The following CHD1L variants were observed in gnomAD, a reference collection of about 807,000 sequenced individuals.
CHD1L encodes chromodomain helicase DNA binding protein 1 like, also known as ATP-dependent chromatin remodeler CHD1L.
Under a neutral mutation model 115.9 loss-of-function variants are expected in CHD1L, and 118 were observed. The observed-to-expected ratio is 1.02, with a 90% CI of 0.88 to 1.19. The LOEUF (loss-of-function observed/expected upper bound fraction) is 1.19, where lower values mean the gene tolerates loss of function less well. Among genes scored for constraint, CHD1L ranks in the 50% most tolerant of loss-of-function variants. The pLI is 0.00. For synonymous variants in CHD1L, 411 were observed against 387.1 expected (o/e 1.06, Z -0.72); for missense variants, 1,179 against 1,065.3 (o/e 1.11, Z -1.49).
rs114192925 is a variant in CHD1L, at chr1:147,261,278, C to T, written c.576+1360C>T. On this transcript the variant is annotated intron_variant, in intron 6 of 22. Coordinates refer to ENST00000369258, the MANE Select transcript of CHD1L (RefSeq NM_004284.6). ...AATTTATTTATCACCGTTCTAGAGG[C>T]TGGGAAGTCCAAGATCAAGGTGCCA... Among the ~76,000 whole-genome samples the T allele has an allele frequency of 7.3e-3, 1,112 of 152,244 alleles. 13 individuals carry two copies. The highest frequency in any genetic ancestry group is 0.025 in the African/African-American group (1,046 of 41,532).
At chr1:147,262,885 T>C (rs1553945182) in intron 6 of CHD1L, among the ~76,000 whole-genome samples, 1 of 152,176 alleles carries the variant, frequency 6.6e-6, no homozygotes, top group East Asian at 1.9e-4. Flanking sequence ...ATCCTACTCC[T>C]ACATTAACAC....
intron 8 of CHD1L, 136 bp downstream of exon 8, chr1:147,266,223 G>A (rs902422320): frequency 1.0e-5 from 8 of 796,360 alleles, no homozygotes; most frequent in East Asian, 3.0e-5. Flanking sequence ...AATTCTGGTC[G>A]GCTACAGTGG....
chr1:147,284,512 AATTT>A lies in CHD1L; in HGVS notation c.1854+19_1854+22del. The A allele has an allele frequency of 6.4e-7, 1 of 1,556,206 alleles. No homozygotes were observed. The highest frequency in any genetic ancestry group is 1.4e-5 in the African/African-American group (1 of 71,118). On this transcript the variant is annotated intron_variant, in intron 16 of 22. Transcript: ENST00000369258. ...AAATAAAGGCAGTGTAAGAACTGTT[AATTT>A]ATTTAAAAGTTGTTCTTCCAAACTC...
chr1:147,235,610 A>G, the CHD1L span, among the ~76,000 whole-genome samples: 1 of 152,196 alleles, frequency 6.6e-6, no homozygotes, highest in African/African-American at 2.4e-5. Context: ...AACAGAACCC[A>G]GAATAGGTAT....
At chr1:147,202,749 C>T in the CHD1L span, among the ~76,000 whole-genome samples, 3 of 152,162 alleles carry the variant, frequency 2.0e-5, no homozygotes, top group Non-Finnish European at 4.4e-5. Context: ...GACACTAGGT[C>T]GATTGTGTTC....
chr1:147,275,060 A>T (rs1677806515), intron 12 of CHD1L, among the ~76,000 whole-genome samples: 1 of 152,194 alleles, frequency 6.6e-6, no homozygotes, highest in Non-Finnish European at 1.5e-5. Flanking sequence ...AGCAGAAGAG[A>T]TAAAGTGGCT....
intron 9 of CHD1L, 101 bp downstream of exon 9, chr1:147,267,619 T>C (rs1010581118): frequency 1.2e-6 from 1 of 813,342 alleles, no homozygotes; most frequent in African/African-American, 1.7e-5. Flanking sequence ...TTACTTTGTC[T>C]ACTTTGTTTA....
In CHD1L at chr1:147,243,823, A is replaced by G. The variant is rs1263063761; in HGVS notation, c.127+993A>G. The stretch of plus-strand genomic sequence containing the variant: ...TAGAGTTTTAGACTAGTGAGAGTGC[A>G]TTTAAAAGTATAAACTAATTTATTT... On this transcript the variant is annotated intron_variant, in intron 1 of 22. Transcript: ENST00000369258. 3.3e-5 allele frequency among the ~76,000 whole-genome samples: 5 copies of G among 152,352 alleles called. No individual in the cohort carries two copies. The East Asian group carries it at 9.6e-4, about 29-fold the overall frequency.
chr1:147,242,876 G>A (rs1665182667), intron 1 of CHD1L, 46 bp downstream of exon 1: 1 of 1,254,576 alleles, frequency 8.0e-7, no homozygotes, highest in African/African-American at 1.5e-5. Flanking sequence ...CCAACCTATT[G>A]GGACTGCCTC....
upstream of CHD1L, among the ~76,000 whole-genome samples, chr1:147,241,258 C>T (rs933068083): frequency 3.9e-5 from 6 of 152,144 alleles, no homozygotes; most frequent in Non-Finnish European, 8.8e-5. Context: ...ATGGCTGGTT[C>T]CTGCCTTAAC....
At chr1:147,178,232 C>G in the CHD1L span, 1 of 1,613,640 alleles carries the variant, frequency 6.2e-7, no homozygotes, top group Non-Finnish European at 8.5e-7. Flanking sequence ...AGTCGCATCT[C>G]CGACACGGGC....
the CHD1L span, among the ~76,000 whole-genome samples, chr1:147,222,653 T>C: frequency 0.44 from 66,767 of 151,714 alleles, 15,248 homozygotes; most frequent in East Asian, 0.68. Flanking sequence ...TGTGGTCTGT[T>C]GGAACAGAAG....
chr1:147,201,239 G>A, the CHD1L span: 1 of 1,614,204 alleles, frequency 6.2e-7, no homozygotes, highest in Admixed American at 1.7e-5. Context: ...ATGATTGCAA[G>A]AGTTGGCCTT....
chr1:147,214,566 C>G, the CHD1L span, among the ~76,000 whole-genome samples: 1 of 152,024 alleles, frequency 6.6e-6, no homozygotes, highest in Non-Finnish European at 1.5e-5. Flanking sequence ...GGTGCCTCTG[C>G]CGAGATCACC....
the CHD1L span, among the ~76,000 whole-genome samples, chr1:147,217,217 C>A: frequency 6.8e-6 from 1 of 146,434 alleles, no homozygotes; most frequent in Non-Finnish European, 1.5e-5. Flanking sequence ...CCAGCCTGGG[C>A]AACAAGAGCA....
chr1:147,288,614 G>A (rs1184182761), intron 19 of CHD1L, among the ~76,000 whole-genome samples: 9 of 152,172 alleles, frequency 5.9e-5, no homozygotes, highest in Admixed American at 5.2e-4. Context: ...CTGGGAGGTG[G>A]AGGTTGCAAT....
the CHD1L span, chr1:147,213,410 C>T: frequency 6.2e-7 from 1 of 1,613,630 alleles, no homozygotes; most frequent in Non-Finnish European, 8.5e-7. Flanking sequence ...GATTCAGTGA[C>T]CACTTCCCAT....
the CHD1L span, chr1:147,179,512 A>G: frequency 2.5e-6 from 4 of 1,578,358 alleles, no homozygotes; most frequent in Non-Finnish European, 3.5e-6. Flanking sequence ...CCAAAGAAAT[A>G]TGAAGGTGGC....
the CHD1L span, among the ~76,000 whole-genome samples, chr1:147,218,792 A>G: frequency 2.6e-5 from 4 of 152,140 alleles, no homozygotes; most frequent in Admixed American, 2.0e-4. Context: ...ACAACTTTAA[A>G]CCTTCGTAAA....
Sources: gnomAD v4.1 joint callset for allele counts (sites outside exome capture counted in the v4.1 genomes callset) on GRCh38, gnomAD v4.1.1 for gene constraint, MANE v1.5 for transcripts, NCBI Gene and HGNC (gene_info 2026-07-23, HGNC 2026-07-21) for gene names.